The following RPP14 variants were observed in gnomAD, a reference collection of about 807,000 sequenced individuals.
The protein encoded by RPP14 is ribonuclease P protein subunit p14.
In RPP14, 19 loss-of-function variants were observed where a neutral mutation model predicts 17.8. The ratio of observed to expected loss-of-function variants is 1.07; its 90% CI spans 0.74 to 1.57. RPP14 has a LOEUF of 1.57. Ranked by LOEUF, RPP14 falls within the 40% of genes most tolerant of loss-of-function variation. RPP14 has a pLI of 0.00. For missense variants in RPP14, 125 were observed against 140.8 expected, an observed-to-expected ratio of 0.89 and a Z score of 0.57; for synonymous variants, 60 against 56.4, an observed-to-expected ratio of 1.06 and a Z score of -0.29.
In RPP14 at chr3:58,319,352, T is replaced by C. The variant is rs12688; in HGVS notation, c.*1856T>C. 0.36 allele frequency: 55,255 copies of C among 151,964 alleles called. 10,890 individuals are homozygous for C. The highest frequency in any genetic ancestry group is 0.81 in the East Asian group (4,197 of 5,178). The allele number at this position is 151,964 out of a possible 1,614,324, so 9.4% of individuals were successfully genotyped here. A position where few individuals can be genotyped will look rare whatever the true frequency, so the allele number is the denominator to read the frequency against. On this transcript the variant is annotated 3_prime_UTR_variant, in exon 6 of 6. Coordinates refer to ENST00000295959, the MANE Select transcript of RPP14 (RefSeq NM_007042.6). ...TGTAAAATAGTGGTAGCACATGCCA[T>C]GTGGGATAGTTGGTGGAGATGATAG... is the stretch of plus-strand genomic sequence containing the variant.
chr3:58,316,617 A>G (rs1339825301), intron 4 of RPP14, 26 bp downstream of exon 4: 2 of 1,588,366 alleles, frequency 1.3e-6, no homozygotes, highest in Admixed American at 1.7e-5. Context: ...GGAAATTTCT[A>G]GTATAACAGG....
At chr3:58,317,135 G>A in intron 5 of RPP14, 142 bp downstream of exon 5, 1 of 659,918 alleles carries the variant, frequency 1.5e-6, no homozygotes, top group Non-Finnish European at 2.6e-6. Context: ...GGACTTGATT[G>A]TTTCCAAAAA....
chr3:58,313,478 T>C (rs1216668027), intron 3 of RPP14, among the ~76,000 whole-genome samples: 2 of 152,202 alleles, frequency 1.3e-5, no homozygotes, highest in Non-Finnish European at 2.9e-5. Context: ...AATCAAAATA[T>C]GCTAAGTACC....
At position 58,313,938 on chromosome 3, in the gene RPP14, A is replaced by T. The variant is rs549109398; in HGVS notation, c.163-2577A>T. 6.6e-5 allele frequency among the ~76,000 whole-genome samples: 10 copies of T among 152,332 alleles called. No homozygotes were observed. In the South Asian group the frequency reaches 2.1e-3, roughly 32 times the overall value. ...GCAGTGGCTCATGCCCGTAATCCCA[A>T]CACTTTGGGAAGCCAGGGCAGGAAG... is the stretch of plus-strand genomic sequence containing the variant. On this transcript the variant is annotated intron_variant, in intron 3 of 5. Transcript: ENST00000295959.
chr3:58,315,381 G>A (rs1191198158), intron 3 of RPP14, among the ~76,000 whole-genome samples: 1 of 152,096 alleles, frequency 6.6e-6, no homozygotes, highest in Non-Finnish European at 1.5e-5. Context: ...GTGAGGAGTA[G>A]GGGAGGAGGG....
chr3:58,313,394 G>A (rs1417719250), intron 3 of RPP14, among the ~76,000 whole-genome samples: 1 of 152,250 alleles, frequency 6.6e-6, no homozygotes, highest in Non-Finnish European at 1.5e-5. Context: ...AACAGAAGTA[G>A]AGAAGTAGAG....
Position 58,317,931 on chromosome 3 carries a change from A to T in RPP14, c.*435A>T, listed in dbSNP as rs2097490118. On this transcript the variant is annotated 3_prime_UTR_variant, in exon 6 of 6. Transcript: ENST00000295959. Reference sequence around the variant, plus strand: ...CTAAAATGCCAGGGCCAGGCTGTGTATTTCTTTCCCAGGAAATTAGCTTTC... The same window carrying T: ...CTAAAATGCCAGGGCCAGGCTGTGTTTTTCTTTCCCAGGAAATTAGCTTTC... The T allele has an allele frequency of 2.8e-6, 2 of 702,894 alleles. No individual in the cohort carries two copies. The highest frequency in any genetic ancestry group is 4.6e-4 in the Middle Eastern group (2 of 4,368). 43.5% of individuals were successfully genotyped at this position (702,894 alleles called of 1,614,324 possible). A position where few individuals can be genotyped will look rare whatever the true frequency, so the allele number is the denominator to read the frequency against.
At position 58,310,621 on chromosome 3, in the gene RPP14, C is replaced by G. The variant is rs572213115; in HGVS notation, c.162+30C>G. ...GGAATCACTTGGTAGATTGAACATT[C>G]CAAAGATCTTTGTAAGAAATACAGA... On this transcript the variant is annotated intron_variant, in intron 3 of 5. Coordinates refer to ENST00000295959, the MANE Select transcript of RPP14 (RefSeq NM_007042.6). 1.4e-5 allele frequency: 22 copies of G among 1,562,482 alleles called. No homozygotes were observed. In the Admixed American group the frequency reaches 1.9e-4, roughly 14 times the overall value.
At chr3:58,314,063 A>G (rs1039161693) in intron 3 of RPP14, among the ~76,000 whole-genome samples, 4 of 152,194 alleles carry the variant, frequency 2.6e-5, no homozygotes, top group African/African-American at 9.6e-5. Context: ...CTCAAAAATA[A>G]TAACACATGG....
intron 3 of RPP14, among the ~76,000 whole-genome samples, chr3:58,311,794 A>T (rs2107502917): frequency 6.6e-6 from 1 of 151,410 alleles, no homozygotes; most frequent in South Asian, 2.1e-4. Context: ...TGTCTTTTTG[A>T]ATTGATTTCC....
In RPP14 at chr3:58,316,515, G is replaced by A; in HGVS notation, c.163G>A (p.Val55Ile). The change falls in exon 4 of 6, where the codon GTT (valine) becomes ATT (isoleucine). Residue 55 changes from valine to isoleucine, a missense_variant and splice_region_variant. Transcript: ENST00000295959. ...ISAVKDLFGEVDAALPLDILT... is the reference protein window; with the variant it reads ...ISAVKDLFGEIDAALPLDILT... ...GCTAATAGCATTATTCCATATGCAGGTTGATGCCGCCTTACCTTTGGACAT... is the reference window on the plus strand; with the variant it reads ...GCTAATAGCATTATTCCATATGCAGATTGATGCCGCCTTACCTTTGGACAT... 1 of 1,613,584 alleles carries A rather than the reference G, an allele frequency of 6.2e-7. No homozygotes were observed. The highest frequency in any genetic ancestry group is 8.5e-7 in the Non-Finnish European group (1 of 1,179,524).
At position 58,318,115 on chromosome 3, in the gene RPP14, T is replaced by C. The variant is rs989749940; in HGVS notation, c.*619T>C. On this transcript the variant is annotated 3_prime_UTR_variant, in exon 6 of 6. Coordinates refer to ENST00000295959, the MANE Select transcript of RPP14 (RefSeq NM_007042.6). ...AGTTATGGTTCCAGAAGCTTCCAAA[T>C]CCTGAAATAGATGTTTTAAAGATGC... The C allele has an allele frequency of 1.7e-5, 11 of 639,994 alleles. No individual in the cohort carries two copies. The highest frequency in any genetic ancestry group is 3.1e-5 in the Non-Finnish European group (11 of 359,580). The allele number at this position is 639,994 out of a possible 1,614,324, so 39.6% of individuals were successfully genotyped here.
At chr3:58,307,859 G>T (rs1210912426) in intron 1 of RPP14, 1 of 144,308 alleles carries the variant, frequency 6.9e-6, no homozygotes, top group Non-Finnish European at 1.5e-5. Flanking sequence ...GCTGTCATTT[G>T]TAAGTCTTTT....
chr3:58,308,900 T>C (rs1473132328), intron 1 of RPP14, among the ~76,000 whole-genome samples: 1 of 152,220 alleles, frequency 6.6e-6, no homozygotes, highest in Non-Finnish European at 1.5e-5. Flanking sequence ...GAATAGGACC[T>C]ATCCAGAGGG....
rs1242228136 is a variant in RPP14 at position 58,314,396 on chromosome 3, A to G, written c.163-2119A>G. On this transcript the variant is annotated intron_variant, in intron 3 of 5. Transcript: ENST00000295959. ...AATAAAAAAGAAGTATCAGAACTCAACCAAACAATTCAATTAGAAAATGGG... is the reference window on the plus strand; with the variant it reads ...AATAAAAAAGAAGTATCAGAACTCAGCCAAACAATTCAATTAGAAAATGGG... Among the ~76,000 whole-genome samples the G allele has an allele frequency of 1.1e-4, 16 of 152,262 alleles. No homozygotes were observed. In the South Asian group the frequency reaches 2.7e-3, roughly 26 times the overall value.
In RPP14 at chr3:58,309,883, C is replaced by T. The variant is rs2097480223; in HGVS notation, c.-21-426C>T. Among the ~76,000 whole-genome samples the T allele has an allele frequency of 2.0e-5, 3 of 151,858 alleles. No homozygotes were observed. The South Asian group carries it at 6.2e-4, about 32-fold the overall frequency. ...CTCCAGCCTGGGCGACAGAGCAAGA[C>T]TCCTTCTCCAAAAAAAAAATAATAA... is the stretch of plus-strand genomic sequence containing the variant. On this transcript the variant is annotated intron_variant, in intron 1 of 5. Transcript: ENST00000295959.
intron 1 of RPP14, chr3:58,309,956 T>G: frequency 5.0e-6 from 1 of 201,822 alleles, no homozygotes; most frequent in Non-Finnish European, 1.0e-5. Flanking sequence ...TCCCAGCACT[T>G]TGGGAGGCTG....
chr3:58,318,010 C>G lies in RPP14; in HGVS notation c.*514C>G, dbSNP rs1289025840. ...TTTAGCTTCTGCAGAAGTGAAAAAG[C>G]TGAAGCGGTTCATTGCTATTATTGC... is the stretch of plus-strand genomic sequence containing the variant. On this transcript the variant is annotated 3_prime_UTR_variant, in exon 6 of 6. Coordinates refer to ENST00000295959, the MANE Select transcript of RPP14 (RefSeq NM_007042.6). 5.7e-6 allele frequency: 4 copies of G among 702,864 alleles called. No individual in the cohort carries two copies. The highest frequency in any genetic ancestry group is 1.0e-5 in the Non-Finnish European group (4 of 384,982). The allele number at this position is 702,864 out of a possible 1,614,324, so 43.5% of individuals were successfully genotyped here.
rs990396565 is a variant in RPP14, at chr3:58,308,446, GTTAAT to G, written c.-21-1858_-21-1854del. ...CTACAGGCACACACTACCATGCCTG[GTTAAT>G]TTAAGTTTTTTTGTTTTTTTTTTTA... On this transcript the variant is annotated intron_variant, in intron 1 of 5. Transcript: ENST00000295959. Among the ~76,000 whole-genome samples the G allele has an allele frequency of 1.1e-4, 15 of 141,594 alleles. No individual in the cohort carries two copies. The East Asian group carries it at 1.1e-3, about 11-fold the overall frequency. The allele number at this position is 141,594 out of a possible 152,430, so 92.9% of individuals were successfully genotyped here. A position where few individuals can be genotyped will look rare whatever the true frequency, so the allele number is the denominator to read the frequency against.
Sources: gnomAD v4.1 joint callset for allele counts (sites outside exome capture counted in the v4.1 genomes callset) on GRCh38, gnomAD v4.1.1 for gene constraint, MANE v1.5 for transcripts, NCBI Gene and HGNC (gene_info 2026-07-23, HGNC 2026-07-21) for gene names.